Variants in C11orf54 observed in about 807,000 individuals in gnomAD.
The protein encoded by C11orf54 is beta-keto-L-gulonate decarboxylase.
Under a neutral mutation model 35.5 loss-of-function variants are expected in C11orf54, and 29 were observed. The observed-to-expected ratio is 0.82, with a 90% CI of 0.61 to 1.11. The LOEUF (loss-of-function observed/expected upper bound fraction) is 1.11. Ranked by LOEUF, C11orf54 falls within the 50% of genes most tolerant of loss-of-function variation. C11orf54 has a pLI of 0.00. For missense variants in C11orf54, 373 were observed against 369.2 expected, an observed-to-expected ratio of 1.01 and a Z score of -0.08; for synonymous variants, 108 against 121.1, an observed-to-expected ratio of 0.89 and a Z score of 0.71.
At chr11:93,761,232 C>T (rs1409157743) in intron 8 of C11orf54, among the ~76,000 whole-genome samples, 1 of 151,756 alleles carries the variant, frequency 6.6e-6, no homozygotes, top group African/African-American at 2.4e-5. Flanking sequence ...AAAGTGTGTA[C>T]AAAATACTAC....
chr11:93,752,533 C>T (rs978818955), intron 3 of C11orf54, among the ~76,000 whole-genome samples: 2 of 152,094 alleles, frequency 1.3e-5, no homozygotes, highest in Non-Finnish European at 2.9e-5. Context: ...CCTGTTCTTC[C>T]TTTGTGCCTT....
intron 5 of C11orf54, 24 bp from the exon 6 acceptor site, chr11:93,755,186 C>T (rs1943064727): frequency 6.2e-7 from 1 of 1,607,462 alleles, no homozygotes; most frequent in African/African-American, 1.3e-5. Flanking sequence ...CAAAGATTGA[C>T]TAATTGCCTC....
intron 2 of C11orf54, among the ~76,000 whole-genome samples, chr11:93,748,516 T>C (rs1160030227): frequency 6.6e-6 from 1 of 152,290 alleles, no homozygotes; most frequent in East Asian, 1.9e-4. Context: ...TTTCCTTCTA[T>C]ATGTGCAGGA....
intron 3 of C11orf54, among the ~76,000 whole-genome samples, chr11:93,751,950 G>A (rs1329942149): frequency 1.3e-5 from 2 of 149,836 alleles, no homozygotes; most frequent in Non-Finnish European, 3.0e-5. Flanking sequence ...GGGTTCAGGC[G>A]ATTCTCATAC....
At chr11:93,752,933 A>G (rs2135623394) in intron 3 of C11orf54, among the ~76,000 whole-genome samples, 1 of 151,972 alleles carries the variant, frequency 6.6e-6, no homozygotes, top group Middle Eastern at 3.4e-3. Flanking sequence ...TTTTTGGTAA[A>G]GATGGGGTTT....
chr11:93,753,976 C>G lies in C11orf54; in HGVS notation c.269C>G (p.Pro90Arg). 6.2e-7 allele frequency: 1 copy of G among 1,614,068 alleles called. No individual in the cohort carries two copies. Among genetic ancestry groups the G allele is most frequent in the East Asian group, 2.2e-5 (1 of 44,864 alleles). Residue 90 changes from proline to arginine, a missense_variant, in exon 5 of 9, where the codon CCT becomes CGT. Pro to Arg is a moderately radical substitution (Grantham distance 103, BLOSUM62 -2). Coordinates refer to ENST00000354421, the MANE Select transcript of C11orf54 (RefSeq NM_001286069.2). ...LNKIAKEIKL[P>R]GAFILGAGAG... ...AAAATTGCAAAAGAAATCAAGCTGC[C>G]TGGAGCCTTTATTCTTGGAGCAGGA...
rs183169905 is a variant in C11orf54 at position 93,744,212 on chromosome 11, T to C, written c.-98+2484T>C. Among the ~76,000 whole-genome samples the C allele has an allele frequency of 3.3e-5, 5 of 152,348 alleles. No individual in the cohort carries two copies. The East Asian group carries it at 5.8e-4, about 18-fold the overall frequency. ...CTTGAGAGTCCTATATGCACTGTTATCCACAACCATTTAAGCACTTATCCA... is the reference window on the plus strand; with the variant it reads ...CTTGAGAGTCCTATATGCACTGTTACCCACAACCATTTAAGCACTTATCCA... On this transcript the variant is annotated intron_variant, in intron 1 of 8. Transcript: ENST00000354421.
At chr11:93,758,242 C>T (rs1250529274) in intron 7 of C11orf54, among the ~76,000 whole-genome samples, 3 of 152,198 alleles carry the variant, frequency 2.0e-5, no homozygotes, top group Non-Finnish European at 4.4e-5. Context: ...CCTGCCCCTT[C>T]CGAGTTGGCG....
chr11:93,747,864 T>G (rs564851535), intron 2 of C11orf54, among the ~76,000 whole-genome samples: 1 of 152,112 alleles, frequency 6.6e-6, no homozygotes, highest in East Asian at 1.9e-4. Flanking sequence ...CCAATATAAT[T>G]CCCCCCCACC....
intron 8 of C11orf54, among the ~76,000 whole-genome samples, chr11:93,761,222 A>G (rs1264706118): frequency 6.6e-6 from 1 of 152,220 alleles, no homozygotes; most frequent in Non-Finnish European, 1.5e-5. Flanking sequence ...TACATGCAGA[A>G]AAGTGTGTAC....
chr11:93,743,544 A>G (rs1439814422), intron 1 of C11orf54, among the ~76,000 whole-genome samples: 1 of 151,948 alleles, frequency 6.6e-6, no homozygotes, highest in Non-Finnish European at 1.5e-5. Context: ...TCCACCCTTT[A>G]TGGGAGGGTG....
At position 93,750,455 on chromosome 11, in the gene C11orf54, T is replaced by G; in HGVS notation, c.154+11T>G. 6.3e-7 allele frequency: 1 copy of G among 1,592,428 alleles called. No homozygotes were observed. ...CCTTTCCTGTAAAAGGTAAGCAATT[T>G]TTGCAATTAGCTTTTGTTTTTTAGT... On this transcript the variant is annotated intron_variant, in intron 3 of 8. Coordinates refer to ENST00000354421, the MANE Select transcript of C11orf54 (RefSeq NM_001286069.2).
rs1943535065 is a variant in C11orf54 at position 93,762,814 on chromosome 11, C to T, written c.*1126C>T. On this transcript the variant is annotated 3_prime_UTR_variant, in exon 9 of 9. Coordinates refer to ENST00000354421, the MANE Select transcript of C11orf54 (RefSeq NM_001286069.2). ...AAGTGAAGCTGTTGCTGAACATGACCACTATCGTTGCTGAAATATAAAATT... is the reference window on the plus strand; with the variant it reads ...AAGTGAAGCTGTTGCTGAACATGACTACTATCGTTGCTGAAATATAAAATT... 1 of 152,144 alleles carries T rather than the reference C, an allele frequency of 6.6e-6. No homozygotes were observed. The highest frequency in any genetic ancestry group is 2.4e-5 in the African/African-American group (1 of 41,430). The allele number at this position is 152,144 out of a possible 1,614,324, so 9.4% of individuals were successfully genotyped here.
intron 1 of C11orf54, among the ~76,000 whole-genome samples, chr11:93,743,368 G>A (rs370804899): frequency 6.6e-6 from 1 of 152,244 alleles, no homozygotes; most frequent in Non-Finnish European, 1.5e-5. Context: ...CTGGAGTGCA[G>A]TTGAAGCAGG....
rs370804899 is a variant in C11orf54 at position 93,743,368 on chromosome 11, G to T, written c.-98+1640G>T. Reference sequence around the variant, plus strand: ...GCTCTGCCACCCAGGCTGGAGTGCAGTTGAAGCAGGATATTCCTCTGACCC... The same window carrying T: ...GCTCTGCCACCCAGGCTGGAGTGCATTTGAAGCAGGATATTCCTCTGACCC... On this transcript the variant is annotated intron_variant, in intron 1 of 8. Transcript: ENST00000354421. Among the ~76,000 whole-genome samples the T allele has an allele frequency of 3.0e-4, 45 of 152,360 alleles. No homozygotes were observed. In the South Asian group the frequency reaches 9.3e-3, roughly 32 times the overall value.
At chr11:93,745,641 C>G (rs1942420833) in intron 1 of C11orf54, among the ~76,000 whole-genome samples, 1 of 152,172 alleles carries the variant, frequency 6.6e-6, no homozygotes, top group Non-Finnish European at 1.5e-5. Context: ...TCTGAGCTCT[C>G]TTTTCCCCAC....
Position 93,757,475 on chromosome 11 carries a change from C to T in C11orf54, c.657+10C>T. ...GAAGTCTCACATTATGGTAAGAGCCCATGTGTGCATACATGCATGAAGGAG... is the reference window on the plus strand; with the variant it reads ...GAAGTCTCACATTATGGTAAGAGCCTATGTGTGCATACATGCATGAAGGAG... On this transcript the variant is annotated intron_variant, in intron 7 of 8. Transcript: ENST00000354421. 1 of 1,595,380 alleles carries T rather than the reference C, an allele frequency of 6.3e-7. No homozygotes were observed. The highest frequency in any genetic ancestry group is 1.7e-5 in the Admixed American group (1 of 59,574).
chr11:93,742,462 T>C (rs4753498), intron 1 of C11orf54, among the ~76,000 whole-genome samples: 82,749 of 151,928 alleles, frequency 0.54, 24,907 homozygotes, highest in East Asian at 0.7. Context: ...TTTTGCATTT[T>C]TAGTAGAGGC....
Position 93,761,597 on chromosome 11 carries a change from A to T in C11orf54, c.857A>T (p.Asp286Val). Reference sequence around the variant, plus strand: ...CACTACCATTATGACACTACTCCAGATATAGTGGAATATCTTGGATACTTC... The same window carrying T: ...CACTACCATTATGACACTACTCCAGTTATAGTGGAATATCTTGGATACTTC... ...GGHYHYDTTP[D>V]IVEYLGYFLP... Residue 286 changes from aspartate (D) to valine (V), a missense_variant, in exon 9 of 9, where the codon GAT (aspartate) becomes GTT (valine). Transcript: ENST00000354421. The T allele has an allele frequency of 6.2e-7, 1 of 1,613,432 alleles. No homozygotes were observed. Among genetic ancestry groups the T allele is most frequent in the Non-Finnish European group, 8.5e-7 (1 of 1,179,594 alleles).
Sources: gnomAD v4.1 joint callset for allele counts (sites outside exome capture counted in the v4.1 genomes callset) on GRCh38, gnomAD v4.1.1 for gene constraint, MANE v1.5 for transcripts, NCBI Gene and HGNC (gene_info 2026-07-23, HGNC 2026-07-21) for gene names.